RSU1: variants seen among roughly 807,000 people sequenced by gnomAD.
RSU1 encodes rsu-1.
In RSU1, 26 loss-of-function variants were observed where a neutral mutation model predicts 31.1. The observed-to-expected ratio is 0.84, with a 90% CI of 0.61 to 1.16. The LOEUF is 1.16. Among genes scored for constraint, RSU1 ranks in the 50% most tolerant of loss-of-function variants. The pLI is 0.00. For synonymous variants in RSU1, 164 were observed against 136.3 expected (o/e 1.20, Z -1.41); for missense variants, 320 against 339.1 (o/e 0.94, Z 0.44).
rs545083543 is a variant in RSU1 at position 16,666,492 on chromosome 10, T to C, written c.731+28531A>G. Among the ~76,000 whole-genome samples, 5 of 152,320 alleles carry C rather than the reference T, an allele frequency of 3.3e-5. No homozygotes were observed. In the South Asian group the frequency reaches 8.3e-4, roughly 25 times the overall value. On this transcript the variant is annotated intron_variant, in intron 8 of 8. Transcript: ENST00000345264. ...CTTGAGATGCTGGTTCAGAGAGTTATCTGGGCCAGGCGTGGTGGCTCACAC... is the reference window on the plus strand; with the variant it reads ...CTTGAGATGCTGGTTCAGAGAGTTACCTGGGCCAGGCGTGGTGGCTCACAC...
At chr10:16,705,039 C>A (rs780283185) in intron 7 of RSU1, among the ~76,000 whole-genome samples, 5 of 152,094 alleles carry the variant, frequency 3.3e-5, no homozygotes, top group Non-Finnish European at 7.4e-5. Context: ...TTTCTCCTTT[C>A]CCTTATCTCT....
intron 7 of RSU1, among the ~76,000 whole-genome samples, chr10:16,750,863 CTTTT>C (rs11296913): frequency 1.4e-5 from 2 of 139,774 alleles, no homozygotes; most frequent in African/African-American, 5.3e-5. Context: ...CAAGATCTCT[CTTTT>C]TTTTTTTTTT....
At chr10:16,611,249 G>A (rs1363796547) in intron 8 of RSU1, among the ~76,000 whole-genome samples, 1 of 152,154 alleles carries the variant, frequency 6.6e-6, no homozygotes, top group Non-Finnish European at 1.5e-5. Flanking sequence ...TAGCCTCTGG[G>A]CCCATTGCCA....
At chr10:16,628,821 C>T (rs377767158) in intron 8 of RSU1, among the ~76,000 whole-genome samples, 8 of 152,184 alleles carry the variant, frequency 5.3e-5, no homozygotes, top group East Asian at 1.9e-4. Context: ...TCTTACTTTT[C>T]GTTCATTGTT....
chr10:16,816,988 C>A lies in RSU1; in HGVS notation c.94G>T (p.Asp32Tyr). ...MSDRGISNMLDVNGLFTLSHI... is the reference protein window; with the variant it reads ...MSDRGISNMLYVNGLFTLSHI... ...GAGAACTCACAGAGGCCGTTGACAT[C>A]CAGCATGTTGGAGATGCCCCGGTCA... The change falls in exon 2 of 9, where the codon GAT (aspartate) becomes TAT (tyrosine). Residue 32 changes from aspartate to tyrosine, a missense_variant. By Grantham distance (160) the Asp-to-Tyr change is radical (BLOSUM62 -3). Coordinates refer to ENST00000345264, the MANE Select transcript of RSU1 (RefSeq NM_012425.4). 1 of 1,613,584 alleles carries A rather than the reference C, an allele frequency of 6.2e-7. No individual in the cohort carries two copies. Among genetic ancestry groups the A allele is most frequent in the Non-Finnish European group, 8.5e-7 (1 of 1,179,422 alleles).
intron 8 of RSU1, among the ~76,000 whole-genome samples, chr10:16,641,282 T>C (rs750077422): frequency 6.6e-6 from 1 of 152,072 alleles, no homozygotes; most frequent in Non-Finnish European, 1.5e-5. Context: ...GATTGAAGAC[T>C]TTAAAAAGTT....
intron 2 of RSU1, among the ~76,000 whole-genome samples, chr10:16,783,453 T>C (rs1837700298): frequency 6.8e-6 from 1 of 147,976 alleles, no homozygotes; most frequent in African/African-American, 2.5e-5. Flanking sequence ...CCTCCCAAGT[T>C]CAAGCGATTC....
At chr10:16,770,491 C>A (rs1202953125) in intron 3 of RSU1, among the ~76,000 whole-genome samples, 1 of 152,198 alleles carries the variant, frequency 6.6e-6, no homozygotes, top group African/African-American at 2.4e-5. Flanking sequence ...GTGACCTCCA[C>A]CCACCATCTC....
In RSU1 at chr10:16,817,071, G is replaced by A; in HGVS notation, c.11C>T (p.Ser4Phe). Reference sequence around the variant, plus strand: ...GCTCTCCTCCACCAACTTCTTCAGAGACTTGGACATGGTCTGCACCGAACA... The same window carrying A: ...GCTCTCCTCCACCAACTTCTTCAGAAACTTGGACATGGTCTGCACCGAACA... MSK[S>F]LKKLVEESRE... Residue 4 changes from serine (S) to phenylalanine (F), a missense_variant, in exon 2 of 9, where the codon TCT becomes TTT. Physicochemically the swap from Ser to Phe is radical, Grantham distance 155 (BLOSUM62 -2). Coordinates refer to ENST00000345264, the MANE Select transcript of RSU1 (RefSeq NM_012425.4). The A allele has an allele frequency of 6.2e-7, 1 of 1,613,184 alleles. No individual in the cohort carries two copies. The highest frequency in any genetic ancestry group is 2.2e-5 in the East Asian group (1 of 44,880).
intron 4 of RSU1, among the ~76,000 whole-genome samples, chr10:16,755,525 ACAT>A (rs1210368231): frequency 2.6e-5 from 4 of 152,156 alleles, no homozygotes; most frequent in Non-Finnish European, 4.4e-5. Flanking sequence ...TATGTATACT[ACAT>A]CATGGAATGG....
intron 2 of RSU1, among the ~76,000 whole-genome samples, chr10:16,792,917 C>A (rs7099001): frequency 0.13 from 19,774 of 152,236 alleles, 3,160 homozygotes; most frequent in African/African-American, 0.37. Flanking sequence ...CCAACTTGAG[C>A]TCTGCATCTC....
intron 4 of RSU1, among the ~76,000 whole-genome samples, chr10:16,758,616 C>A (rs1043340451): frequency 6.6e-6 from 1 of 152,182 alleles, no homozygotes; most frequent in African/African-American, 2.4e-5. Flanking sequence ...CTGACAACAC[C>A]TTCAGGGCAG....
chr10:16,713,689 T>C (rs1300207431), intron 7 of RSU1, among the ~76,000 whole-genome samples: 1 of 152,256 alleles, frequency 6.6e-6, no homozygotes, highest in African/African-American at 2.4e-5. Flanking sequence ...AATGTCCTTT[T>C]CTTTGGGGTC....
intron 5 of RSU1, among the ~76,000 whole-genome samples, chr10:16,753,325 T>C (rs1315169385): frequency 6.6e-6 from 1 of 152,356 alleles, no homozygotes; most frequent in Non-Finnish European, 1.5e-5. Context: ...TTCACATTTA[T>C]TTCTCCATTT....
rs1564298379 is a variant in RSU1, at chr10:16,645,948, GTGTA to G, written c.731+49071_731+49074del. The stretch of plus-strand genomic sequence containing the variant: ...TATATACACATATGTGTATATATAT[GTGTA>G]TATACATATATGTGTATATATATGT... On this transcript the variant is annotated intron_variant, in intron 8 of 8. Coordinates refer to ENST00000345264, the MANE Select transcript of RSU1 (RefSeq NM_012425.4). Among the ~76,000 whole-genome samples the G allele has an allele frequency of 6.2e-4, 23 of 37,284 alleles. 3 individuals are homozygous for G. Among genetic ancestry groups the G allele is most frequent in the African/African-American group, 2.9e-3 (21 of 7,200 alleles). The allele number at this position is 37,284 out of a possible 152,430, so 24.5% of individuals were successfully genotyped here.
intron 7 of RSU1, among the ~76,000 whole-genome samples, chr10:16,712,135 C>T (rs1017750115): frequency 2.0e-5 from 3 of 151,996 alleles, no homozygotes; most frequent in African/African-American, 7.2e-5. Flanking sequence ...TTATCTGATA[C>T]AATTATAGCT....
chr10:16,717,667 C>G (rs1836170117), intron 7 of RSU1, among the ~76,000 whole-genome samples: 1 of 152,126 alleles, frequency 6.6e-6, no homozygotes, highest in Admixed American at 6.5e-5. Context: ...GCCTTATTGT[C>G]TAGTATTACT....
At chr10:16,765,498 G>T (rs1362631553) in intron 3 of RSU1, among the ~76,000 whole-genome samples, 3 of 152,110 alleles carry the variant, frequency 2.0e-5, no homozygotes, top group African/African-American at 4.8e-5. Flanking sequence ...GACCTGAAAG[G>T]TTCCTCCTTC....
At chr10:16,666,709 C>T (rs1449798670) in intron 8 of RSU1, among the ~76,000 whole-genome samples, 3 of 152,116 alleles carry the variant, frequency 2.0e-5, no homozygotes, top group South Asian at 2.1e-4. Flanking sequence ...AGCCATCAGC[C>T]GGGTGCGGTG....
Sources: gnomAD v4.1 joint callset for allele counts (sites outside exome capture counted in the v4.1 genomes callset) on GRCh38, gnomAD v4.1.1 for gene constraint, MANE v1.5 for transcripts, NCBI Gene and HGNC (gene_info 2026-07-23, HGNC 2026-07-21) for gene names.